The following PIP4P2 variants were observed in gnomAD, a reference collection of about 807,000 sequenced individuals.
PIP4P2 encodes type 2 phosphatidylinositol 4,5-bisphosphate 4-phosphatase.
PIP4P2 carries 19 observed loss-of-function variants against 33.3 expected under a neutral mutation model. The observed-to-expected ratio is 0.57, with a 90% CI of 0.40 to 0.84. The LOEUF (loss-of-function observed/expected upper bound fraction) is 0.84, where lower values mean the gene tolerates loss of function less well. PIP4P2 is among the 40% of genes least tolerant of loss of function. The pLI, the probability that PIP4P2 is intolerant of heterozygous loss-of-function variation, is 0.00. For missense variants in PIP4P2, 270 were observed against 324.7 expected, an observed-to-expected ratio of 0.83 and a Z score of 1.29; for synonymous variants, 110 against 111.9, an observed-to-expected ratio of 0.98 and a Z score of 0.11.
intron 5 of PIP4P2, among the ~76,000 whole-genome samples, chr8:91,006,641 T>C (rs1811767708): frequency 6.6e-6 from 1 of 152,202 alleles, no homozygotes; most frequent in South Asian, 2.1e-4. Context: ...AAAGCAACTA[T>C]CACTCTGCTT....
intron 4 of PIP4P2, among the ~76,000 whole-genome samples, 193 bp downstream of exon 4, chr8:91,018,197 C>T (rs1373000422): frequency 1.1e-4 from 17 of 152,134 alleles, no homozygotes; most frequent in Admixed American, 1.1e-3. Flanking sequence ...TATCAGAGGA[C>T]GTACCTTTTA....
chr8:90,996,261 C>G (rs1811627352), intron 6 of PIP4P2, among the ~76,000 whole-genome samples: 1 of 152,080 alleles, frequency 6.6e-6, no homozygotes, highest in Non-Finnish European at 1.5e-5. Context: ...GGTAATAAAT[C>G]TCTGCTTGAT....
rs184431225 is a variant in PIP4P2 at position 91,006,798 on chromosome 8, G to A, written c.539+1945C>T. On this transcript the variant is annotated intron_variant, in intron 5 of 6. Coordinates refer to ENST00000285419, the MANE Select transcript of PIP4P2 (RefSeq NM_018710.3). ...AGCCTGGCCAAAATGGTGAAACCCC[G>A]CCTCTACTAAAAATACAAAAATTAG... Among the ~76,000 whole-genome samples, 70 of 152,100 alleles carry A rather than the reference G, an allele frequency of 4.6e-4. No individual in the cohort carries two copies. The East Asian group carries it at 0.01, about 23-fold the overall frequency.
intron 1 of PIP4P2, among the ~76,000 whole-genome samples, chr8:91,029,166 C>CT (rs1200979716): frequency 6.6e-6 from 1 of 152,004 alleles, no homozygotes; most frequent in African/African-American, 2.4e-5. Flanking sequence ...TGGTGCACAC[C>CT]TGCAATCCTA....
chr8:90,996,142 CA>C (rs1306023592), intron 6 of PIP4P2, among the ~76,000 whole-genome samples: 1 of 152,138 alleles, frequency 6.6e-6, no homozygotes, highest in Non-Finnish European at 1.5e-5. Flanking sequence ...TACTGACAAA[CA>C]AAGGAGCATG....
At chr8:91,009,057 C>A (rs1563563198) in intron 4 of PIP4P2, among the ~76,000 whole-genome samples, 1 of 152,066 alleles carries the variant, frequency 6.6e-6, no homozygotes, top group Non-Finnish European at 1.5e-5. Context: ...GAATGTAATA[C>A]CATAATTGGG....
intron 4 of PIP4P2, among the ~76,000 whole-genome samples, chr8:91,011,248 TA>T (rs962929468): frequency 5.3e-5 from 8 of 152,162 alleles, no homozygotes; most frequent in African/African-American, 1.7e-4. Flanking sequence ...TCACTTTTAT[TA>T]AAGAACAACA....
intron 5 of PIP4P2, 93 bp from the exon 6 acceptor site, chr8:90,996,837 T>A: frequency 1.0e-6 from 1 of 960,220 alleles, no homozygotes; most frequent in Non-Finnish European, 1.5e-6. Context: ...GCTTTAGTAA[T>A]ATTATATACT....
rs192949324 is a variant in PIP4P2 at position 90,993,935 on chromosome 8, T to G, written c.*1742A>C. On this transcript the variant is annotated 3_prime_UTR_variant, in exon 7 of 7. Transcript: ENST00000285419. ...AAGACTACCAGGGTTCTTGCTCTCA[T>G]AAAGTTATTATTCCAGAAGGAATAT... The G allele has an allele frequency of 2.2e-4, 34 of 152,298 alleles. No homozygotes were observed. Among genetic ancestry groups the G allele is most frequent in the African/African-American group, 8.2e-4 (34 of 41,574 alleles). 9.4% of individuals were successfully genotyped at this position (152,298 alleles called of 1,614,324 possible).
rs144217973 is a variant in PIP4P2, at chr8:91,030,622, C to T, written c.107-9218G>A. 3.9e-3 allele frequency among the ~76,000 whole-genome samples: 600 copies of T among 152,252 alleles called. 6 individuals are homozygous for T. Among genetic ancestry groups the T allele is most frequent in the African/African-American group, 0.013 (561 of 41,560 alleles). ...AGGCATATGCTCAGAATTGTTACTC[C>T]AACCCTTATGCCCATTCGCCAAGTC... On this transcript the variant is annotated intron_variant, in intron 1 of 6. Coordinates refer to ENST00000285419, the MANE Select transcript of PIP4P2 (RefSeq NM_018710.3).
At chr8:91,015,470 C>G (rs907429304) in intron 4 of PIP4P2, among the ~76,000 whole-genome samples, 2 of 151,896 alleles carry the variant, frequency 1.3e-5, no homozygotes, top group African/African-American at 4.8e-5. Flanking sequence ...AAAAGAAATA[C>G]CAATAGAAAA....
chr8:91,022,225 T>C (rs1812020258), intron 1 of PIP4P2, among the ~76,000 whole-genome samples: 1 of 152,166 alleles, frequency 6.6e-6, no homozygotes, highest in Non-Finnish European at 1.5e-5. Context: ...TGGAAGGTCA[T>C]AGTTTCACAC....
intron 4 of PIP4P2, among the ~76,000 whole-genome samples, chr8:91,015,038 T>G (rs914497477): frequency 6.6e-6 from 1 of 152,092 alleles, no homozygotes; most frequent in Non-Finnish European, 1.5e-5. Flanking sequence ...GAAATTGGAC[T>G]ATAGAGCTTG....
chr8:91,034,290 C>T (rs568161299), intron 1 of PIP4P2, among the ~76,000 whole-genome samples: 1 of 152,186 alleles, frequency 6.6e-6, no homozygotes, highest in South Asian at 2.1e-4. Context: ...TTTAAAGATG[C>T]TCAGTATAGA....
At position 90,995,629 on chromosome 8, in the gene PIP4P2, C is replaced by T; in HGVS notation, c.*48G>A. On this transcript the variant is annotated 3_prime_UTR_variant, in exon 7 of 7. Transcript: ENST00000285419. ...TTTAAAGATGTCCAGAGTAGCTTAC[C>T]AAGAACTGCTAGACACTCTCACCTG... is the stretch of plus-strand genomic sequence containing the variant. 6.4e-7 allele frequency: 1 copy of T among 1,568,554 alleles called. No individual in the cohort carries two copies. Among genetic ancestry groups the T allele is most frequent in the Non-Finnish European group, 8.6e-7 (1 of 1,162,534 alleles).
chr8:91,036,658 A>G (rs1320669186), intron 1 of PIP4P2, among the ~76,000 whole-genome samples: 5 of 152,212 alleles, frequency 3.3e-5, no homozygotes, highest in Admixed American at 3.3e-4. Flanking sequence ...ACTCTAGCCA[A>G]TCCTCTAATT....
intron 5 of PIP4P2, among the ~76,000 whole-genome samples, chr8:91,002,194 C>A (rs1410436880): frequency 1.3e-5 from 2 of 152,044 alleles, no homozygotes; most frequent in African/African-American, 4.8e-5. Flanking sequence ...TCAGGATAGT[C>A]CTGGTTGTCA....
intron 3 of PIP4P2, among the ~76,000 whole-genome samples, chr8:91,019,757 G>A (rs543549755): frequency 7.9e-5 from 12 of 151,892 alleles, no homozygotes; most frequent in African/African-American, 1.9e-4. Flanking sequence ...GTAGAGATGG[G>A]GTCTCACTAT....
At chr8:91,008,297 TAAAC>T (rs1365308977) in intron 5 of PIP4P2, among the ~76,000 whole-genome samples, 3 of 152,128 alleles carry the variant, frequency 2.0e-5, no homozygotes, top group Non-Finnish European at 4.4e-5. Flanking sequence ...ATAATTAAGA[TAAAC>T]AAATAATTAT....
Sources: allele counts gnomAD v4.1 joint callset (sites outside exome capture counted in the v4.1 genomes callset), GRCh38; gene constraint gnomAD v4.1.1; transcripts MANE v1.5; gene names NCBI Gene and HGNC (gene_info 2026-07-23, HGNC 2026-07-21).